PACRG: variants seen among roughly 807,000 people sequenced by gnomAD.
The protein encoded by PACRG is parkin coregulated gene protein.
A neutral mutation model predicts 29.7 loss-of-function variants in PACRG; 29 were observed. The ratio of observed to expected loss-of-function variants is 0.98; its 90% CI spans 0.73 to 1.33. The LOEUF (loss-of-function observed/expected upper bound fraction) is 1.33, where lower values mean the gene tolerates loss of function less well. Among genes scored for constraint, PACRG ranks in the 40% most tolerant of loss-of-function variants. The pLI is 0.00. For missense variants in PACRG, 279 were observed against 316.2 expected (o/e 0.88, Z 0.89); for synonymous variants, 116 against 118.7 (o/e 0.98, Z 0.15).
At chr6:162,727,533 C>T (rs1407419067), upstream of PACRG, 12 of 1,054,742 alleles carry the variant, frequency 1.1e-5, no homozygotes, top group African/African-American at 4.9e-5. Flanking sequence ...GGGCCGGGGA[C>T]GGCACGGGCA....
chr6:162,853,479 T>A lies in PACRG; in HGVS notation c.291+39198T>A, dbSNP rs1236505317. Reference sequence around the variant, plus strand: ...ATTCACAGAACTGTGGTGTTCTCAGTCCTTGTAGCCAATCTTCTTGTTTTT... The same window carrying A: ...ATTCACAGAACTGTGGTGTTCTCAGACCTTGTAGCCAATCTTCTTGTTTTT... On this transcript the variant is annotated intron_variant, in intron 2 of 4. Transcript: ENST00000366888. The surrounding 1 kb of genome is among the most constrained non-coding windows in gnomAD (Gnocchi z 4.7). Among the ~76,000 whole-genome samples, 1 of 152,238 alleles carries A rather than the reference T, an allele frequency of 6.6e-6. No homozygotes were observed. Among genetic ancestry groups the A allele is most frequent in the Non-Finnish European group, 1.5e-5 (1 of 68,040 alleles).
At chr6:163,081,786 T>C (rs1813106124) in intron 3 of PACRG, among the ~76,000 whole-genome samples, 1 of 152,076 alleles carries the variant, frequency 6.6e-6, no homozygotes, top group Non-Finnish European at 1.5e-5. Flanking sequence ...GTAAATGCCA[T>C]ATTTTATGTT....
At position 162,895,090 on chromosome 6, in the gene PACRG, C is replaced by T. The variant is rs372774923; in HGVS notation, c.291+80809C>T. Among the ~76,000 whole-genome samples, 41 of 149,952 alleles carry T rather than the reference C, an allele frequency of 2.7e-4. No homozygotes were observed. In the Middle Eastern group the frequency reaches 0.01, roughly 38 times the overall value. ...TGCCTGGGCAACATGGTGAGATCCC[C>T]GTCTCTACCCCCCCGCCCCCAAAAA... On this transcript the variant is annotated intron_variant, in intron 2 of 4. Transcript: ENST00000366888.
intron 2 of PACRG, among the ~76,000 whole-genome samples, chr6:162,979,127 A>G (rs1802200282): frequency 1.3e-5 from 2 of 152,158 alleles, no homozygotes; most frequent in South Asian, 4.1e-4. Flanking sequence ...TAGGACGAAT[A>G]TGTTTATTTC....
intron 4 of PACRG, among the ~76,000 whole-genome samples, chr6:163,227,582 G>C (rs1781856475): frequency 6.6e-6 from 1 of 152,218 alleles, no homozygotes; most frequent in Admixed American, 6.5e-5. Context: ...TGAAGGAGCA[G>C]AGCCAGCAGC....
chr6:163,209,284 T>C lies in PACRG; in HGVS notation c.614-105543T>C, dbSNP rs530712924. On this transcript the variant is annotated intron_variant, in intron 4 of 4. Transcript: ENST00000366888. ...GTCAGTAGCCTTAGTGCAGACTAGC[T>C]GGAGTAGATCTAAGCAGTATTAATG... 3.3e-5 allele frequency among the ~76,000 whole-genome samples: 5 copies of C among 152,356 alleles called. No homozygotes were observed. The South Asian group carries it at 1.0e-3, about 32-fold the overall frequency.
intron 1 of PACRG, among the ~76,000 whole-genome samples, chr6:162,764,904 C>T (rs911037176): frequency 1.3e-5 from 2 of 151,784 alleles, no homozygotes; most frequent in African/African-American, 2.4e-5. Context: ...CCACCACACC[C>T]GGCTATTTTT....
intron 3 of PACRG, among the ~76,000 whole-genome samples, chr6:163,082,293 A>G (rs531777579): frequency 1.3e-5 from 2 of 152,178 alleles, no homozygotes; most frequent in Non-Finnish European, 2.9e-5. Flanking sequence ...GGAAGGATTC[A>G]GTAGTAAAGA....
chr6:162,846,207 T>A (rs1395591704), intron 2 of PACRG, among the ~76,000 whole-genome samples: 1 of 152,090 alleles, frequency 6.6e-6, no homozygotes, highest in African/African-American at 2.4e-5. Context: ...GGAGGGGGCC[T>A]GCTTTCCTAG....
chr6:162,786,056 G>A (rs1784444980), intron 1 of PACRG, among the ~76,000 whole-genome samples: 1 of 152,210 alleles, frequency 6.6e-6, no homozygotes, highest in South Asian at 2.1e-4. Flanking sequence ...TTTCCTAAAG[G>A]GAAGTGTTTG....
chr6:162,809,936 T>C (rs1786694172), intron 1 of PACRG, among the ~76,000 whole-genome samples: 1 of 152,186 alleles, frequency 6.6e-6, no homozygotes, highest in South Asian at 2.1e-4. Context: ...CACGAGGAGC[T>C]TGGGCTTGTT....
intron 2 of PACRG, among the ~76,000 whole-genome samples, chr6:163,052,562 G>A (rs2128249338): frequency 6.6e-6 from 1 of 152,156 alleles, no homozygotes; most frequent in East Asian, 1.9e-4. Context: ...TCATGGGGGT[G>A]GTTTTCCCCA....
At position 163,092,293 on chromosome 6, in the gene PACRG, T is replaced by C. The variant is rs76141484; in HGVS notation, c.613+2885T>C. Among the ~76,000 whole-genome samples, 43 of 150,166 alleles carry C rather than the reference T, an allele frequency of 2.9e-4. No individual in the cohort carries two copies. In the East Asian group the frequency reaches 3.8e-3, roughly 13 times the overall value. On this transcript the variant is annotated intron_variant, in intron 4 of 4. Transcript: ENST00000366888. Reference sequence around the variant, plus strand: ...GGTTGCAGAGCCAGGGAGCTAGACATTGGGACAGTGGCCCATGTGAGGAGC... The same window carrying C: ...GGTTGCAGAGCCAGGGAGCTAGACACTGGGACAGTGGCCCATGTGAGGAGC...
intron 2 of PACRG, among the ~76,000 whole-genome samples, chr6:162,881,807 G>A (rs1793873291): frequency 6.7e-6 from 1 of 149,298 alleles, no homozygotes; most frequent in African/African-American, 2.5e-5. Flanking sequence ...AGAGACCCTG[G>A]GGTGCTTTCC....
rs113411758 is a variant in PACRG at position 162,739,304 on chromosome 6, G to A, written c.156+10913G>A. ...TATCATGTAGATTTCTTCCTCTTTA[G>A]TGTGCATATTCATAGCCTTTGCCCA... is the stretch of plus-strand genomic sequence containing the variant. On this transcript the variant is annotated intron_variant, in intron 1 of 4. Coordinates refer to ENST00000366888, the MANE Select transcript of PACRG (RefSeq NM_001080379.2). Among the ~76,000 whole-genome samples the A allele has an allele frequency of 8.4e-3, 1,273 of 152,140 alleles. 18 individuals carry two copies. The highest frequency in any genetic ancestry group is 0.029 in the African/African-American group (1,218 of 41,506).
At position 163,089,252 on chromosome 6, in the gene PACRG, C is replaced by T; in HGVS notation, c.464-7C>T. The T allele has an allele frequency of 3.7e-6, 6 of 1,610,792 alleles. No homozygotes were observed. Among genetic ancestry groups the T allele is most frequent in the Non-Finnish European group, 5.1e-6 (6 of 1,178,236 alleles). ...ATTTTCTGCTTGGTCCTTCTTTTACCATATAGATGCCTTGAACCTCCGAAA... is the reference window on the plus strand; with the variant it reads ...ATTTTCTGCTTGGTCCTTCTTTTACTATATAGATGCCTTGAACCTCCGAAA... On this transcript the variant is annotated splice_polypyrimidine_tract_variant and splice_region_variant and intron_variant, in intron 3 of 4. Transcript: ENST00000366888.
chr6:163,261,378 CAT>C, intron 4 of PACRG, among the ~76,000 whole-genome samples: 1 of 152,240 alleles, frequency 6.6e-6, no homozygotes, highest in East Asian at 1.9e-4. Context: ...ACCCCGCATG[CAT>C]TAGGTATTTA....
chr6:162,727,674 C>CT, upstream of PACRG: 1 of 1,581,032 alleles, frequency 6.3e-7, no homozygotes, highest in Non-Finnish European at 8.6e-7. Flanking sequence ...ATCATGGTCA[C>CT]TGGGTAGGTG....
At chr6:162,951,801 A>G (rs541335809) in intron 2 of PACRG, among the ~76,000 whole-genome samples, 4 of 152,246 alleles carry the variant, frequency 2.6e-5, no homozygotes, top group African/African-American at 9.6e-5. Context: ...ATGGTTTTTT[A>G]AAAGGGCCAG....
Sources: allele counts gnomAD v4.1 joint callset (sites outside exome capture counted in the v4.1 genomes callset), GRCh38; gene constraint gnomAD v4.1.1; non-coding constraint Gnocchi (gnomAD v3.1); transcripts MANE v1.5; gene names NCBI Gene and HGNC (gene_info 2026-07-23, HGNC 2026-07-21).